The following CHD7 variants were observed in gnomAD, a reference collection of about 807,000 sequenced individuals.
CHD7 encodes the protein ATP-dependent chromatin remodeler CHD7.
A neutral mutation model predicts 307.3 loss-of-function variants in CHD7; 24 were observed. The observed-to-expected ratio is 0.08, with a 90% CI of 0.06 to 0.11. The LOEUF is 0.11. CHD7 is among the 10% of genes least tolerant of loss of function. The probability of loss-of-function intolerance (pLI) is 1.00; values close to 1 mark genes in which losing one functional copy is unlikely to be tolerated. For synonymous variants in CHD7, 1,363 were observed against 1,349.9 expected, an observed-to-expected ratio of 1.01 and a Z score of -0.21; for missense variants, 3,106 against 3,727.1, an observed-to-expected ratio of 0.83 and a Z score of 4.34.
rs1464896870 is a variant in CHD7 at position 60,841,667 on chromosome 8, T to C, written c.4557T>C (p.Asn1519=). Residue 1519 remains asparagine (N), a synonymous_variant, in exon 20 of 38, where the codon AAT becomes AAC. Transcript: ENST00000423902. ...FAKASFVASG[N]RTDISLDDPN... ...AGGCCAGTTTTGTTGCATCTGGAAA[T>C]AGGACAGATATTTCCTTGGATGATC... 3 of 1,608,624 alleles carry C rather than the reference T, an allele frequency of 1.9e-6. No homozygotes were observed. The highest frequency in any genetic ancestry group is 2.6e-6 in the Non-Finnish European group (3 of 1,175,248).
intron 35 of CHD7, 129 bp from the exon 36 acceptor site, chr8:60,862,064 ATAT>A (rs1806003623): frequency 1.4e-6 from 1 of 712,884 alleles, no homozygotes; most frequent in Non-Finnish European, 2.1e-6. Context: ...ATGGTTTCTA[ATAT>A]TAATAATTAA....
intron 1 of CHD7, among the ~76,000 whole-genome samples, chr8:60,680,265 G>A (rs982736441): frequency 6.6e-5 from 10 of 151,118 alleles, no homozygotes; most frequent in Admixed American, 2.6e-4. Flanking sequence ...AAGGAGGGCG[G>A]TGGGGGACGC....
chr8:60,782,725 C>T (rs1811313634), intron 3 of CHD7, among the ~76,000 whole-genome samples: 1 of 152,234 alleles, frequency 6.6e-6, no homozygotes, highest in African/African-American at 2.4e-5. Context: ...AAACTTAACA[C>T]TTTATAAAAT....
At position 60,866,123 on chromosome 8, in the gene CHD7, A is replaced by G. The variant is rs1032110611; in HGVS notation, c.*190A>G. 7 of 558,414 alleles carry G rather than the reference A, an allele frequency of 1.3e-5. No individual in the cohort carries two copies. Among genetic ancestry groups the G allele is most frequent in the Non-Finnish European group, 1.9e-5 (6 of 315,274 alleles). The allele number at this position is 558,414 out of a possible 1,614,324, so 34.6% of individuals were successfully genotyped here. ...TTGGTCATTAAGTATTGTGCAGTGC[A>G]TTATTTATTATCCCTAGGAGAGATG... is the stretch of plus-strand genomic sequence containing the variant. On this transcript the variant is annotated 3_prime_UTR_variant, in exon 38 of 38. Coordinates refer to ENST00000423902, the MANE Select transcript of CHD7 (RefSeq NM_017780.4).
At chr8:60,753,876 C>T (rs374605440) in intron 2 of CHD7, among the ~76,000 whole-genome samples, 9 of 152,008 alleles carry the variant, frequency 5.9e-5, no homozygotes, top group Non-Finnish European at 1.2e-4. Flanking sequence ...CCACCTGCCT[C>T]AGCCTCCCAA....
chr8:60,732,554 G>A lies in CHD7; in HGVS notation c.-174-8705G>A, dbSNP rs554334230. ...CTTTTTGTAGGCTTGACATCACCTG[G>A]AGCTTCTGTGTGTCAAGTCAGTAGC... is the stretch of plus-strand genomic sequence containing the variant. On this transcript the variant is annotated intron_variant, in intron 1 of 37. Coordinates refer to ENST00000423902, the MANE Select transcript of CHD7 (RefSeq NM_017780.4). Among the ~76,000 whole-genome samples, 477 of 152,262 alleles carry A rather than the reference G, an allele frequency of 3.1e-3. 1 individual carries two copies. The highest frequency in any genetic ancestry group is 0.011 in the African/African-American group (441 of 41,546).
intron 34 of CHD7, among the ~76,000 whole-genome samples, chr8:60,860,549 C>G (rs1051746751): frequency 6.6e-6 from 1 of 152,204 alleles, no homozygotes; most frequent in Non-Finnish European, 1.5e-5. Flanking sequence ...ATTCTCCTGC[C>G]CCAGCCTCCC....
intron 13 of CHD7, among the ~76,000 whole-genome samples, chr8:60,826,779 G>A (rs1328680542): frequency 2.0e-5 from 3 of 152,230 alleles, no homozygotes; most frequent in Non-Finnish European, 2.9e-5. Context: ...ATGCTGTGGA[G>A]ATCATGGTAG....
rs528632501 is a variant in CHD7 at position 60,714,176 on chromosome 8, C to T, written c.-174-27083C>T. On this transcript the variant is annotated intron_variant, in intron 1 of 37. Coordinates refer to ENST00000423902, the MANE Select transcript of CHD7 (RefSeq NM_017780.4). ...GAGGACATGAGGACGGCGAGCGGGC[C>T]CCCCGGGGGGCGGGGCATCCCCTGG... is the stretch of plus-strand genomic sequence containing the variant. Among the ~76,000 whole-genome samples, 9 of 151,986 alleles carry T rather than the reference C, an allele frequency of 5.9e-5. No individual in the cohort carries two copies. In the South Asian group the frequency reaches 1.7e-3, roughly 28 times the overall value.
chr8:60,852,423 G>T (rs1805497034), intron 29 of CHD7, 75 bp from the exon 30 acceptor site: 6 of 1,426,722 alleles, frequency 4.2e-6, no homozygotes, highest in East Asian at 2.4e-5. Flanking sequence ...AAGTCTGGGG[G>T]GAAGAAGAAA....
chr8:60,779,613 T>C (rs1371687610), intron 2 of CHD7, among the ~76,000 whole-genome samples: 1 of 152,200 alleles, frequency 6.6e-6, no homozygotes, highest in Non-Finnish European at 1.5e-5. Flanking sequence ...TTAGGTGTAT[T>C]GGAATCGAAT....
chr8:60,725,849 G>A (rs548638886), intron 1 of CHD7, among the ~76,000 whole-genome samples: 2 of 152,304 alleles, frequency 1.3e-5, no homozygotes, highest in Admixed American at 1.3e-4. Flanking sequence ...TATGGGACTG[G>A]ATCTGGGAGG....
intron 3 of CHD7, among the ~76,000 whole-genome samples, chr8:60,782,037 G>A (rs981957187): frequency 1.3e-5 from 2 of 152,120 alleles, no homozygotes; most frequent in African/African-American, 4.8e-5. Context: ...TTCTCTGACC[G>A]CTCCCCCAAT....
chr8:60,753,751 A>G (rs1809755226), intron 2 of CHD7, among the ~76,000 whole-genome samples: 1 of 151,484 alleles, frequency 6.6e-6, no homozygotes, highest in Non-Finnish European at 1.5e-5. Flanking sequence ...CATCCTCCAG[A>G]GTACCTGGGG....
intron 1 of CHD7, among the ~76,000 whole-genome samples, chr8:60,682,170 G>A (rs1035471814): frequency 2.0e-5 from 3 of 152,122 alleles, no homozygotes; most frequent in African/African-American, 7.2e-5. Context: ...TTTTAAAATA[G>A]TACTTTTATA....
At chr8:60,763,308 T>G (rs1810311986) in intron 2 of CHD7, among the ~76,000 whole-genome samples, 2 of 152,242 alleles carry the variant, frequency 1.3e-5, no homozygotes, top group South Asian at 4.1e-4. Flanking sequence ...CTTTGAGATC[T>G]GGTGCTTTTG....
chr8:60,864,484 A>G, intron 37 of CHD7: 1 of 156,416 alleles, frequency 6.4e-6, no homozygotes, highest in East Asian at 1.9e-4. Flanking sequence ...TGTTATGGGT[A>G]CATAGTAGGT....
chr8:60,702,235 C>T (rs759800760), intron 1 of CHD7, among the ~76,000 whole-genome samples: 6 of 152,172 alleles, frequency 3.9e-5, no homozygotes, highest in Non-Finnish European at 8.8e-5. Flanking sequence ...GCTCTTTCCA[C>T]AGGGAGCACT....
intron 2 of CHD7, among the ~76,000 whole-genome samples, chr8:60,773,016 C>T (rs1810784126): frequency 6.6e-6 from 1 of 152,194 alleles, no homozygotes; most frequent in Admixed American, 6.5e-5. Flanking sequence ...CTTGTTCTGT[C>T]ATTTCCATTC....
Sources: allele counts gnomAD v4.1 joint callset (sites outside exome capture counted in the v4.1 genomes callset), GRCh38; gene constraint gnomAD v4.1.1; transcripts MANE v1.5; gene names NCBI Gene and HGNC (gene_info 2026-07-23, HGNC 2026-07-21).